Variants in GPAM observed in about 807,000 individuals in gnomAD.
GPAM encodes the protein glycerol-3-phosphate acyltransferase 1, mitochondrial.
A neutral mutation model predicts 105.0 loss-of-function variants in GPAM; 56 were observed. The observed-to-expected ratio is 0.53, with a 90% CI of 0.43 to 0.67. GPAM has a LOEUF of 0.67. GPAM is among the 30% of genes least tolerant of loss of function. The pLI, the probability that GPAM is intolerant of heterozygous loss-of-function variation, is 0.00. For synonymous variants in GPAM, 368 were observed against 354.4 expected (o/e 1.04, Z -0.43); for missense variants, 855 against 989.8 (o/e 0.86, Z 1.83).
chr10:112,153,867 C>T (rs149582863), intron 21 of GPAM: 2 of 434,646 alleles, frequency 4.6e-6, no homozygotes, highest in Non-Finnish European at 7.6e-6. Flanking sequence ...TTTTCTTTTT[C>T]TATTTTTTTT....
intron 1 of GPAM, among the ~76,000 whole-genome samples, chr10:112,200,244 T>C (rs7085047): frequency 8.1e-6 from 1 of 123,552 alleles, no homozygotes; most frequent in African/African-American, 3.1e-5. Context: ...TATATATATA[T>C]AGAGAGAGAG....
Position 112,178,027 on chromosome 10 carries a change from A to G in GPAM, c.256T>C (p.Leu86=). ...ATATAAATAACATTCCGCAAACCCA[A>G]AGACGGGATACTGGGGTTGAAAAAT... ...DKFFNPSIPS[L]GLRNVIYINE... The change falls in exon 5 of 22, where the codon TTG becomes CTG. Residue 86 remains leucine, a synonymous_variant. Coordinates refer to ENST00000348367, the MANE Select transcript of GPAM (RefSeq NM_001244949.2). 1.2e-6 allele frequency: 2 copies of G among 1,600,282 alleles called. No homozygotes were observed. The highest frequency in any genetic ancestry group is 1.7e-6 in the Non-Finnish European group (2 of 1,167,690).
intron 3 of GPAM, among the ~76,000 whole-genome samples, chr10:112,180,942 G>A (rs530857900): frequency 4.6e-5 from 7 of 152,166 alleles, no homozygotes; most frequent in South Asian, 2.1e-4. Context: ...TCACACAGTC[G>A]CACTACAGAA....
At chr10:112,180,402 A>G (rs1847486180) in intron 4 of GPAM, 71 bp downstream of exon 4, 3 of 1,443,132 alleles carry the variant, frequency 2.1e-6, no homozygotes, top group African/African-American at 2.8e-5. Flanking sequence ...GTCCAATAAG[A>G]CTGCCTACTA....
At chr10:112,169,634 T>C (rs1300896260) in intron 9 of GPAM, among the ~76,000 whole-genome samples, 1 of 152,178 alleles carries the variant, frequency 6.6e-6, no homozygotes, top group Non-Finnish European at 1.5e-5. Context: ...TCTTTTCAAG[T>C]AGAGTGATAC....
chr10:112,151,780 T>A lies in GPAM; in HGVS notation c.*1770A>T. 1 of 984,880 alleles carries A rather than the reference T, an allele frequency of 1.0e-6. No homozygotes were observed. Among genetic ancestry groups the A allele is most frequent in the Non-Finnish European group, 1.2e-6 (1 of 829,476 alleles). 61.0% of individuals were successfully genotyped at this position (984,880 alleles called of 1,614,324 possible). A position where few individuals can be genotyped will look rare whatever the true frequency, so the allele number is the denominator to read the frequency against. On this transcript the variant is annotated 3_prime_UTR_variant, in exon 22 of 22. Transcript: ENST00000348367. ...CTAGTGAAATGTTTGCTTCCCCAGA[T>A]AAGGAACACCCAAGACTCCCTGGGT...
intron 14 of GPAM, 140 bp downstream of exon 14, chr10:112,163,561 C>A: frequency 1.5e-6 from 1 of 670,028 alleles, no homozygotes; most frequent in Non-Finnish European, 2.7e-6. Flanking sequence ...GTATCACCTT[C>A]TTTCTAATAA....
chr10:112,163,677 TAA>T, intron 14 of GPAM, 22 bp downstream of exon 14: 1 of 1,036,708 alleles, frequency 9.6e-7, no homozygotes, highest in Non-Finnish European at 1.5e-6. Flanking sequence ...ATTGTAGAAT[TAA>T]AGAGTCTGGT....
intron 1 of GPAM, among the ~76,000 whole-genome samples, chr10:112,196,477 C>T (rs1847725697): frequency 6.6e-6 from 1 of 152,134 alleles, no homozygotes. Flanking sequence ...TCTAAACATA[C>T]TCTGTGTAAC....
rs568028496 is a variant in GPAM, at chr10:112,212,564, C to T, written n.210+2604G>A. 3.3e-5 allele frequency among the ~76,000 whole-genome samples: 5 copies of T among 152,274 alleles called. No homozygotes were observed. In the East Asian group the frequency reaches 5.8e-4, roughly 18 times the overall value. ...AGGCATGAGCCACCGTGCCCGGCCTCGCTGTTACTTTTAATAACAGAAACC... is the reference window on the plus strand; with the variant it reads ...AGGCATGAGCCACCGTGCCCGGCCTTGCTGTTACTTTTAATAACAGAAACC... On this transcript the variant is annotated intron_variant and non_coding_transcript_variant, in intron 1 of 3. Transcript: ENST00000480130.
intron 1 of GPAM, among the ~76,000 whole-genome samples, chr10:112,210,091 G>A (rs895958249): frequency 3.3e-5 from 5 of 152,220 alleles, no homozygotes; most frequent in Admixed American, 6.5e-5. Context: ...TACGTCTGAC[G>A]TGCTGTGGCA....
intron 11 of GPAM, among the ~76,000 whole-genome samples, chr10:112,167,195 G>A (rs1847233364): frequency 6.6e-6 from 1 of 151,996 alleles, no homozygotes; most frequent in Non-Finnish European, 1.5e-5. Flanking sequence ...ATTGTCAGAC[G>A]TCCTTGAATT....
At position 112,151,133 on chromosome 10, in the gene GPAM, C is replaced by A. The variant is rs1261365939; in HGVS notation, c.*2417G>T. ...ATATTGTTTTTTTTTTTTAACTTGACCACAGTCTTCCCCTGAAGAAGGGCA... is the reference window on the plus strand; with the variant it reads ...ATATTGTTTTTTTTTTTTAACTTGAACACAGTCTTCCCCTGAAGAAGGGCA... On this transcript the variant is annotated 3_prime_UTR_variant, in exon 22 of 22. Transcript: ENST00000348367. 2.0e-6 allele frequency: 2 copies of A among 981,376 alleles called. No individual in the cohort carries two copies. Among genetic ancestry groups the A allele is most frequent in the African/African-American group, 1.8e-5 (1 of 56,930 alleles). 60.8% of individuals were successfully genotyped at this position (981,376 alleles called of 1,614,324 possible). A position where few individuals can be genotyped will look rare whatever the true frequency, so the allele number is the denominator to read the frequency against.
At chr10:112,216,720 TTCA>T (rs1460669930), upstream of GPAM, among the ~76,000 whole-genome samples, 1 of 151,906 alleles carries the variant, frequency 6.6e-6, no homozygotes. Flanking sequence ...GCCTCCTAGG[TTCA>T]AGCGATTCTC....
In GPAM at chr10:112,175,628, C is replaced by G; in HGVS notation, c.385G>C (p.Val129Leu). ...DVHKGMFATNVTENVLNSSRV... is the reference protein window; with the variant it reads ...DVHKGMFATNLTENVLNSSRV... ...CTGCTGTTCAGCACATTTTCAGTCA[C>G]ATTGGTGGCAAACATGCCCTTATGC... The change falls in exon 6 of 22, where the codon GTG (valine) becomes CTG (leucine). Residue 129 changes from valine (V) to leucine (L), a missense_variant. Transcript: ENST00000348367. The G allele has an allele frequency of 6.2e-7, 1 of 1,609,570 alleles. No homozygotes were observed. Among genetic ancestry groups the G allele is most frequent in the Non-Finnish European group, 8.5e-7 (1 of 1,175,870 alleles).
intron 1 of GPAM, among the ~76,000 whole-genome samples, chr10:112,214,744 C>T (rs1847949897): frequency 6.6e-6 from 1 of 152,184 alleles, no homozygotes; most frequent in South Asian, 2.1e-4. Context: ...CTTTGAAGGC[C>T]ATGTGCCGTT....
intron 1 of GPAM, among the ~76,000 whole-genome samples, chr10:112,199,436 T>G (rs1847766568): frequency 6.6e-6 from 1 of 152,120 alleles, no homozygotes. Flanking sequence ...GGTAGAAAGT[T>G]TCCGTTAGGA....
the GPAM span, among the ~76,000 whole-genome samples, chr10:112,220,404 C>T: frequency 1.4e-5 from 2 of 142,688 alleles, no homozygotes; most frequent in East Asian, 1.9e-4. Flanking sequence ...AATGGAACCA[C>T]TGGGTGGTTT....
chr10:112,204,336 T>A (rs1231140569), intron 1 of GPAM, among the ~76,000 whole-genome samples: 1 of 150,998 alleles, frequency 6.6e-6, no homozygotes, highest in East Asian at 2.0e-4. Flanking sequence ...ACAAGAGATC[T>A]GGGGGCTCTT....
Sources: allele counts gnomAD v4.1 joint callset (sites outside exome capture counted in the v4.1 genomes callset), GRCh38; gene constraint gnomAD v4.1.1; transcripts MANE v1.5; gene names NCBI Gene and HGNC (gene_info 2026-07-23, HGNC 2026-07-21).